SDK1: variants seen among roughly 807,000 people sequenced by gnomAD.
SDK1 encodes the protein protein sidekick-1.
In SDK1, 157 loss-of-function variants were observed where a neutral mutation model predicts 245.5. The ratio of observed to expected loss-of-function variants is 0.64; its 90% CI spans 0.56 to 0.73. The LOEUF (loss-of-function observed/expected upper bound fraction) is 0.73. SDK1 is among the 30% of genes least tolerant of loss of function. The pLI, the probability that SDK1 is intolerant of heterozygous loss-of-function variation, is 0.00. For missense variants in SDK1, 3,583 were observed against 3,002.3 expected (o/e 1.19, Z -4.52); for synonymous variants, 1,647 against 1,278.5 (o/e 1.29, Z -6.15).
At chr7:3,437,003 T>C (rs1270687986) in intron 1 of SDK1, among the ~76,000 whole-genome samples, 1 of 152,208 alleles carries the variant, frequency 6.6e-6, no homozygotes, top group Non-Finnish European at 1.5e-5. Flanking sequence ...CTGGGTTATA[T>C]ATGTAAGGGG....
intron 1 of SDK1, among the ~76,000 whole-genome samples, chr7:3,368,827 G>C (rs1019978300): frequency 6.6e-6 from 1 of 152,134 alleles, no homozygotes; most frequent in Non-Finnish European, 1.5e-5. Context: ...AACTGAAGAA[G>C]AGTTAGCTAT....
At position 4,247,781 on chromosome 7, in the gene SDK1, A is replaced by G. The variant is rs567549203; in HGVS notation, c.6381+1976A>G. Among the ~76,000 whole-genome samples the G allele has an allele frequency of 1.0e-3, 152 of 152,262 alleles. 1 individual carries two copies. The highest frequency in any genetic ancestry group is 3.6e-3 in the African/African-American group (148 of 41,550). On this transcript the variant is annotated intron_variant, in intron 44 of 44. Transcript: ENST00000404826. ...CACCCCAGCCCCATGAGGTGGGGCC[A>G]GTCTCCTTATTGGTCAGAGGCTGAG... is the stretch of plus-strand genomic sequence containing the variant.
chr7:3,684,044 C>T lies in SDK1; in HGVS notation c.713+41939C>T, dbSNP rs16870902. Among the ~76,000 whole-genome samples, 669 of 152,272 alleles carry T rather than the reference C, an allele frequency of 4.4e-3. 10 individuals are homozygous for T. Among genetic ancestry groups the T allele is most frequent in the African/African-American group, 0.015 (643 of 41,548 alleles). On this transcript the variant is annotated intron_variant, in intron 4 of 44. Coordinates refer to ENST00000404826, the MANE Select transcript of SDK1 (RefSeq NM_152744.4). Reference sequence around the variant, plus strand: ...CATCTCCACCGCTGCTCCACTCAAGCGTTCAGGTGCTCAAGTTCCGCTGTG... The same window carrying T: ...CATCTCCACCGCTGCTCCACTCAAGTGTTCAGGTGCTCAAGTTCCGCTGTG...
chr7:4,125,736 A>G (rs886226707), intron 25 of SDK1, among the ~76,000 whole-genome samples: 2 of 152,216 alleles, frequency 1.3e-5, no homozygotes, highest in African/African-American at 4.8e-5. Context: ...TCTAAAGGCT[A>G]GGACTGGTCA....
At chr7:4,255,793 A>C (rs1197192092) in intron 44 of SDK1, among the ~76,000 whole-genome samples, 2 of 152,040 alleles carry the variant, frequency 1.3e-5, no homozygotes, top group African/African-American at 2.4e-5. Context: ...GGAATTGGAT[A>C]GGGAGAGCAG....
Position 3,951,238 on chromosome 7 carries a change from C to A in SDK1, c.959+204C>A, listed in dbSNP as rs554602566. On this transcript the variant is annotated intron_variant, in intron 6 of 44. Transcript: ENST00000404826. ...TCCAGAGTCCCCCACTGCAACAGGG[C>A]GGTGCTTTCAATGCAGCTCTGGGTG... Among the ~76,000 whole-genome samples the A allele has an allele frequency of 9.1e-4, 139 of 151,920 alleles. 1 individual carries two copies. Among genetic ancestry groups the A allele is most frequent in the African/African-American group, 3.1e-3 (130 of 41,424 alleles).
chr7:3,602,075 C>T (rs572434463), intron 1 of SDK1, among the ~76,000 whole-genome samples: 1 of 151,958 alleles, frequency 6.6e-6, no homozygotes, highest in African/African-American at 2.4e-5. Flanking sequence ...TCCAGTCTAT[C>T]GTTGTTGGAC....
At position 3,987,300 on chromosome 7, in the gene SDK1, C is replaced by A; in HGVS notation, c.2109C>A (p.Tyr703Ter). Residue 703 changes from tyrosine to a stop codon, truncating the protein, a stop_gained, in exon 14 of 45, where the codon TAC becomes TAA. Transcript: ENST00000404826. LOFTEE classifies it high-confidence loss of function. ...PFDGNSPILYYIVELSENNSP... is the reference protein window; with the variant it reads ...PFDGNSPILY ...ATGGAAACAGTCCTATTCTTTATTACATCGTGGAGCTCTCTGAAAACAGTA... is the reference window on the plus strand; with the variant it reads ...ATGGAAACAGTCCTATTCTTTATTAAATCGTGGAGCTCTCTGAAAACAGTA... The A allele has an allele frequency of 6.2e-7, 1 of 1,614,030 alleles. No homozygotes were observed. The highest frequency in any genetic ancestry group is 1.3e-5 in the African/African-American group (1 of 75,038).
chr7:3,884,071 G>GTTTTTTTTTTTTTTTT (rs1562511985), intron 5 of SDK1, among the ~76,000 whole-genome samples: 1 of 139,292 alleles, frequency 7.2e-6, no homozygotes, highest in South Asian at 2.4e-4. Context: ...TTTTTTGTTT[G>GTTTTTTTTTTTTTTTT]TTTGTTTTTT....
At chr7:4,131,483 C>G (rs1409597206) in intron 27 of SDK1, among the ~76,000 whole-genome samples, 2 of 152,206 alleles carry the variant, frequency 1.3e-5, no homozygotes, top group African/African-American at 4.8e-5. Context: ...ATACTGTTCC[C>G]AGCTTCATAG....
chr7:3,498,756 C>G (rs568398952), intron 1 of SDK1, among the ~76,000 whole-genome samples: 1 of 149,686 alleles, frequency 6.7e-6, no homozygotes, highest in African/African-American at 2.5e-5. Flanking sequence ...CCCCTTTACT[C>G]CCTCCATATA....
intron 40 of SDK1, among the ~76,000 whole-genome samples, chr7:4,222,153 TTAGTC>T (rs1329258228): frequency 3.9e-5 from 6 of 152,198 alleles, no homozygotes; most frequent in Non-Finnish European, 7.3e-5. Context: ...AGGAACTAGT[TTAGTC>T]TAATACTTAA....
At chr7:4,132,736 G>GA (rs968800958) in intron 28 of SDK1, among the ~76,000 whole-genome samples, 13 of 149,578 alleles carry the variant, frequency 8.7e-5, no homozygotes, top group East Asian at 2.0e-4. Flanking sequence ...CCCAAAATAA[G>GA]AAAAAAAAAG....
chr7:4,243,403 T>C (rs1786649106), intron 43 of SDK1, among the ~76,000 whole-genome samples: 1 of 152,180 alleles, frequency 6.6e-6, no homozygotes. Context: ...GTCCTAGCAA[T>C]AGGACCCTGT....
intron 5 of SDK1, among the ~76,000 whole-genome samples, chr7:3,905,824 A>T (rs905526874): frequency 1.3e-5 from 2 of 151,906 alleles, no homozygotes; most frequent in South Asian, 2.1e-4. Flanking sequence ...GTGTCTTGCT[A>T]TGTTGCCCAG....
At chr7:4,250,460 C>G (rs902341427) in intron 44 of SDK1, among the ~76,000 whole-genome samples, 1 of 152,110 alleles carries the variant, frequency 6.6e-6, no homozygotes, top group Non-Finnish European at 1.5e-5. Flanking sequence ...TCTCATGCCT[C>G]GGCTTCCCAA....
chr7:3,884,024 G>C (rs10485864), intron 5 of SDK1, among the ~76,000 whole-genome samples: 36,042 of 151,294 alleles, frequency 0.24, 5,041 homozygotes, highest in African/African-American at 0.39. Flanking sequence ...TTTACACAAT[G>C]TCATTCTAAG....
At chr7:4,245,618 C>T in intron 43 of SDK1, 58 bp from the exon 44 acceptor site, 1 of 1,592,852 alleles carries the variant, frequency 6.3e-7, no homozygotes, top group Non-Finnish European at 8.6e-7. Context: ...GTTAGGAGTC[C>T]TCCGGGGAAG....
chr7:3,789,831 G>C (rs1028325553), intron 4 of SDK1, among the ~76,000 whole-genome samples: 2 of 152,040 alleles, frequency 1.3e-5, no homozygotes, highest in African/African-American at 4.8e-5. Flanking sequence ...GCTGACCAGC[G>C]GAACGGGGAC....
Sources: gnomAD v4.1 joint callset for allele counts (sites outside exome capture counted in the v4.1 genomes callset) on GRCh38, gnomAD v4.1.1 for gene constraint, MANE v1.5 for transcripts, NCBI Gene and HGNC (gene_info 2026-07-23, HGNC 2026-07-21) for gene names.